Variants in MPHOSPH9 observed in about 807,000 individuals in gnomAD.
MPHOSPH9 encodes the protein M-phase phosphoprotein 9.
Under a neutral mutation model 145.5 loss-of-function variants are expected in MPHOSPH9, and 88 were observed. The ratio of observed to expected loss-of-function variants is 0.60; its 90% confidence interval spans 0.51 to 0.72. The LOEUF (loss-of-function observed/expected upper bound fraction) is 0.72, where lower values mean the gene tolerates loss of function less well. MPHOSPH9 is among the 30% of genes least tolerant of loss of function. MPHOSPH9 has a pLI of 0.00. For synonymous variants in MPHOSPH9, 435 were observed against 486.2 expected (o/e 0.89, Z 1.39); for missense variants, 1,238 against 1,386.6 (o/e 0.89, Z 1.70).
rs779970537 is a variant in MPHOSPH9, at chr12:123,176,680, T to C, written c.2456+8A>G. ...CTAGCTTTATAGAGAGTAAATGAAA[T>C]AACTTACTTGGCACGCGAGGGTCTC... On this transcript the variant is annotated splice_region_variant and intron_variant, in intron 16 of 23. Coordinates refer to ENST00000606320, the MANE Select transcript of MPHOSPH9 (RefSeq NM_022782.4). 6.2e-7 allele frequency: 1 copy of C among 1,600,866 alleles called. No homozygotes were observed. The highest frequency in any genetic ancestry group is 1.1e-5 in the South Asian group (1 of 90,634).
intron 16 of MPHOSPH9, among the ~76,000 whole-genome samples, chr12:123,172,613 G>A (rs1166277633): frequency 6.6e-6 from 1 of 152,152 alleles, no homozygotes; most frequent in Non-Finnish European, 1.5e-5. Context: ...GATTACAGGT[G>A]TGGGCCACCA....
At chr12:123,184,749 C>T (rs1210075592) in intron 13 of MPHOSPH9, among the ~76,000 whole-genome samples, 2 of 151,962 alleles carry the variant, frequency 1.3e-5, no homozygotes, top group African/African-American at 2.4e-5. Context: ...CTACCCGCCT[C>T]GGCCTCCCAA....
intron 16 of MPHOSPH9, among the ~76,000 whole-genome samples, chr12:123,172,899 T>TTTG (rs59362535): frequency 6.9e-6 from 1 of 144,248 alleles, no homozygotes; most frequent in African/African-American, 2.6e-5. Context: ...TTTTTTTTTT[T>TTTG]GAGACAGAGC....
intron 17 of MPHOSPH9, 189 bp from the exon 18 acceptor site, chr12:123,165,666 C>A: frequency 1.9e-6 from 1 of 515,096 alleles, no homozygotes; most frequent in Non-Finnish European, 3.4e-6. Context: ...GGGATTAATG[C>A]CCTTATGAAA....
rs892626057 is a variant in MPHOSPH9, at chr12:123,188,051, G to A, written c.2241+6335C>T. Among the ~76,000 whole-genome samples the A allele has an allele frequency of 3.9e-5, 6 of 152,038 alleles. No individual in the cohort carries two copies. The East Asian group carries it at 7.7e-4, about 20-fold the overall frequency. On this transcript the variant is annotated intron_variant, in intron 13 of 23. Transcript: ENST00000606320. ...TTGAGGCAAGAGATTGCTTGAAGCC[G>A]GGAGGCAGAGGTTGCAGTGAACCAA...
chr12:123,181,793 G>A (rs1022723966), intron 13 of MPHOSPH9, among the ~76,000 whole-genome samples: 1 of 151,948 alleles, frequency 6.6e-6, no homozygotes, highest in Non-Finnish European at 1.5e-5. Context: ...CTTGAGCCTG[G>A]GAGGTTGAGA....
At chr12:123,199,452 T>G (rs1255898193) in intron 11 of MPHOSPH9, among the ~76,000 whole-genome samples, 1 of 152,146 alleles carries the variant, frequency 6.6e-6, no homozygotes, top group East Asian at 1.9e-4. Flanking sequence ...TTTAAGCACG[T>G]TTCGTTTATC....
At chr12:123,240,603 C>T (rs2047917778) in intron 1 of MPHOSPH9, 2 of 148,428 alleles carry the variant, frequency 1.3e-5, no homozygotes, top group Non-Finnish European at 3.0e-5. Flanking sequence ...TAAACTAGTG[C>T]TTTACCTTTC....
chr12:123,223,821 C>T (rs1254997595), intron 3 of MPHOSPH9, among the ~76,000 whole-genome samples: 1 of 152,182 alleles, frequency 6.6e-6, no homozygotes, highest in African/African-American at 2.4e-5. Flanking sequence ...CCAAGCTCTC[C>T]ACTAAAAACT....
chr12:123,152,813 T>C, downstream of MPHOSPH9: 1 of 268,338 alleles, frequency 3.7e-6, no homozygotes, highest in Non-Finnish European at 7.5e-6. Flanking sequence ...TGGTCCCTCA[T>C]GACAGGTAAA....
chr12:123,240,504 C>T (rs936638360), intron 1 of MPHOSPH9: 1 of 151,322 alleles, frequency 6.6e-6, no homozygotes, highest in Admixed American at 6.6e-5. Context: ...GTAAAGCACA[C>T]TGTTTCAGTT....
At chr12:123,236,127 A>T (rs1179650772), upstream of MPHOSPH9, among the ~76,000 whole-genome samples, 10 of 152,198 alleles carry the variant, frequency 6.6e-5, no homozygotes, top group Admixed American at 6.6e-4. Context: ...ACATTGCCTA[A>T]GAAACTGGAA....
At chr12:123,235,531 AT>A (rs538804885), upstream of MPHOSPH9, among the ~76,000 whole-genome samples, 3,077 of 141,068 alleles carry the variant, frequency 0.022, 40 homozygotes, top group African/African-American at 0.037. Flanking sequence ...GGCCCAGCTA[AT>A]TTTTTTTTTT....
At chr12:123,197,648 G>A (rs1357084619) in intron 12 of MPHOSPH9, among the ~76,000 whole-genome samples, 1 of 151,986 alleles carries the variant, frequency 6.6e-6, no homozygotes, top group African/African-American at 2.4e-5. Context: ...TGGGCACGGT[G>A]GCATGCACCT....
Position 123,168,402 on chromosome 12 carries a change from C to T in MPHOSPH9, c.2457-1613G>A, listed in dbSNP as rs1054799285. Among the ~76,000 whole-genome samples the T allele has an allele frequency of 1.2e-4, 17 of 147,590 alleles. No homozygotes were observed. In the East Asian group the frequency reaches 2.2e-3, roughly 19 times the overall value. On this transcript the variant is annotated intron_variant, in intron 16 of 23. Transcript: ENST00000606320. The stretch of plus-strand genomic sequence containing the variant: ...TGTCACCCAGGCTGGAGTACGGTGG[C>T]GTGATCTCGGCTCACTGCAAGCTCC...
intron 20 of MPHOSPH9, chr12:123,162,486 T>A (rs1461611522): frequency 4.5e-6 from 1 of 222,058 alleles, no homozygotes; most frequent in Non-Finnish European, 8.7e-6. Flanking sequence ...TAGTTATTAT[T>A]ATCCCCGTTT....
chr12:123,229,045 C>A (rs944632982), intron 2 of MPHOSPH9, among the ~76,000 whole-genome samples: 5 of 152,140 alleles, frequency 3.3e-5, no homozygotes, highest in Non-Finnish European at 7.4e-5. Context: ...TACAACTCCC[C>A]ACCCCCATTG....
At chr12:123,201,187 C>T (rs1001022464) in intron 11 of MPHOSPH9, among the ~76,000 whole-genome samples, 1 of 152,124 alleles carries the variant, frequency 6.6e-6, no homozygotes, top group African/African-American at 2.4e-5. Context: ...ACCAAAACTA[C>T]TTACAGTATA....
At chr12:123,233,290 G>A (rs1013409612), upstream of MPHOSPH9, 2 of 152,320 alleles carry the variant, frequency 1.3e-5, no homozygotes, top group African/African-American at 4.8e-5. Context: ...GTGACAAGGG[G>A]GCGGGATTGC....
Sources: allele counts gnomAD v4.1 joint callset (sites outside exome capture counted in the v4.1 genomes callset), GRCh38; gene constraint gnomAD v4.1.1; transcripts MANE v1.5; gene names NCBI Gene and HGNC (gene_info 2026-07-23, HGNC 2026-07-21).